RSF1: variants seen among roughly 807,000 people sequenced by gnomAD.
The protein encoded by RSF1 is remodeling and spacing factor 1.
Under a neutral mutation model 145.2 loss-of-function variants are expected in RSF1, and 13 were observed. The observed-to-expected ratio is 0.09, with a 90% CI of 0.06 to 0.14. RSF1 has a LOEUF of 0.14. Ranked by LOEUF, RSF1 falls within the 10% of genes least tolerant of loss-of-function variation. The pLI is 1.00. For missense variants in RSF1, 1,517 were observed against 1,718.2 expected (o/e 0.88, Z 2.07); for synonymous variants, 577 against 592.6 (o/e 0.97, Z 0.38).
At chr11:77,709,452 T>C (rs1960627700) in intron 5 of RSF1, among the ~76,000 whole-genome samples, 1 of 152,170 alleles carries the variant, frequency 6.6e-6, no homozygotes, top group Non-Finnish European at 1.5e-5. Context: ...TTGACTGAAA[T>C]GAGTGAAATA....
At chr11:77,796,831 G>A (rs2135972617) in intron 1 of RSF1, among the ~76,000 whole-genome samples, 1 of 152,284 alleles carries the variant, frequency 6.6e-6, no homozygotes, top group East Asian at 1.9e-4. Flanking sequence ...TAAAATCAAT[G>A]TGCAAAAATC....
chr11:77,796,637 T>C (rs558593049), intron 1 of RSF1, among the ~76,000 whole-genome samples: 4 of 152,286 alleles, frequency 2.6e-5, no homozygotes, highest in African/African-American at 9.6e-5. Flanking sequence ...CTATTCAACA[T>C]AGTATTGGAA....
chr11:77,705,511 A>G (rs2135859359), intron 5 of RSF1, among the ~76,000 whole-genome samples: 1 of 152,356 alleles, frequency 6.6e-6, no homozygotes, highest in South Asian at 2.1e-4. Flanking sequence ...AGTAGAAGAC[A>G]CTGAGTTGCC....
chr11:77,845,542 T>C, the RSF1 span, among the ~76,000 whole-genome samples: 1 of 152,132 alleles, frequency 6.6e-6, no homozygotes, highest in African/African-American at 2.4e-5. Flanking sequence ...GCAATTCTCC[T>C]GCCTCAGCCT....
At chr11:77,681,089 T>C (rs1590826396) in intron 11 of RSF1, among the ~76,000 whole-genome samples, 2 of 152,218 alleles carry the variant, frequency 1.3e-5, no homozygotes, top group African/African-American at 2.4e-5. Context: ...TCATTTTTAA[T>C]GCAACTAAAC....
intron 2 of RSF1, among the ~76,000 whole-genome samples, chr11:77,754,705 C>A (rs1188425042): frequency 5.9e-5 from 9 of 152,030 alleles, no homozygotes; most frequent in Non-Finnish European, 7.4e-5. Flanking sequence ...GGTCACACCA[C>A]TGCACTCCAG....
chr11:77,734,739 G>A (rs971391570), intron 4 of RSF1: 24 of 1,492,270 alleles, frequency 1.6e-5, no homozygotes, highest in African/African-American at 1.5e-4. Context: ...CATTCAGCCC[G>A]CTCTCCCAGT....
chr11:77,809,824 ATTTGGAATAACTCATTCT>A (rs1948713277), intron 1 of RSF1, among the ~76,000 whole-genome samples: 1 of 152,234 alleles, frequency 6.6e-6, no homozygotes, highest in Admixed American at 6.5e-5. Context: ...AGAATGGATT[ATTTGGAATAACTCATTCT>A]ACCTAATTTT....
At chr11:77,859,742 T>C in the RSF1 span, among the ~76,000 whole-genome samples, 5 of 152,214 alleles carry the variant, frequency 3.3e-5, no homozygotes, top group African/African-American at 4.8e-5. Flanking sequence ...TCAAGTGGCA[T>C]AGGTTTGAGC....
chr11:77,775,598 C>T (rs913597959), intron 1 of RSF1, among the ~76,000 whole-genome samples: 3 of 152,154 alleles, frequency 2.0e-5, no homozygotes, highest in Admixed American at 6.5e-5. Flanking sequence ...CTCTATAAAA[C>T]GCCAGGCTTC....
chr11:77,769,017 G>A (rs79527381), intron 1 of RSF1, among the ~76,000 whole-genome samples: 2,476 of 152,136 alleles, frequency 0.016, 23 homozygotes, highest in Middle Eastern at 0.031. Context: ...TAATAAACAC[G>A]TAGTAAGTTG....
rs1380065504 is a variant in RSF1, at chr11:77,820,697, TGCCGCC to T, written c.12_17del (p.Ala8_Ala9del). The T allele has an allele frequency of 6.5e-7, 1 of 1,550,038 alleles. No individual in the cohort carries two copies. The highest frequency in any genetic ancestry group is 8.7e-7 in the Non-Finnish European group (1 of 1,148,148). ...CCGGAGGAGCCATCACCGCCGCCGC[TGCCGCC>T]GCCGTCGCCATTTTGAACTGGAGGA... On this transcript the variant is annotated inframe_deletion, in exon 1 of 16. Coordinates refer to ENST00000308488, the MANE Select transcript of RSF1 (RefSeq NM_016578.4).
At chr11:77,704,629 G>A (rs900569379) in intron 5 of RSF1, among the ~76,000 whole-genome samples, 2 of 152,080 alleles carry the variant, frequency 1.3e-5, no homozygotes, top group South Asian at 4.1e-4. Flanking sequence ...CAAACTCACT[G>A]ATCTTTCTTC....
intron 5 of RSF1, among the ~76,000 whole-genome samples, chr11:77,715,815 C>T (rs754561967): frequency 1.3e-5 from 2 of 152,140 alleles, no homozygotes; most frequent in African/African-American, 2.4e-5. Context: ...TTCACTCTGT[C>T]GCACAGGCTG....
intron 5 of RSF1, among the ~76,000 whole-genome samples, chr11:77,711,362 G>C (rs1358024101): frequency 6.6e-6 from 1 of 152,014 alleles, no homozygotes; most frequent in Non-Finnish European, 1.5e-5. Context: ...TGTCATTAAA[G>C]AAAAGTTTAA....
At chr11:77,772,898 C>G (rs979455753) in intron 1 of RSF1, among the ~76,000 whole-genome samples, 2 of 148,822 alleles carry the variant, frequency 1.3e-5, no homozygotes, top group African/African-American at 2.5e-5. Context: ...AGACATCTAG[C>G]CTTCCATTCC....
At chr11:77,674,404 A>G (rs1035251750) in intron 14 of RSF1, among the ~76,000 whole-genome samples, 1 of 152,208 alleles carries the variant, frequency 6.6e-6, no homozygotes, top group Admixed American at 6.5e-5. Context: ...AAAACTACTC[A>G]ACACTGACTG....
chr11:77,698,685 G>C lies in RSF1; in HGVS notation c.2517C>G (p.Pro839=). 6.2e-7 allele frequency: 1 copy of C among 1,613,746 alleles called. No homozygotes were observed. The highest frequency in any genetic ancestry group is 1.1e-5 in the South Asian group (1 of 91,064). The change falls in exon 7 of 16, where the codon CCC becomes CCG. Residue 839 remains proline (P), a synonymous_variant. Transcript: ENST00000308488. The part of the protein sequence containing the change: ...DTNSKVSKVK[P]KGKVRWTGSR... Reference sequence around the variant, plus strand: ...AACCAGTCCATCGAACTTTGCCTTTGGGTTTTACCTTGTATAAAATAAAAA... The same window carrying C: ...AACCAGTCCATCGAACTTTGCCTTTCGGTTTTACCTTGTATAAAATAAAAA...
chr11:77,742,292 CTTTTT>C (rs998842313), intron 3 of RSF1, among the ~76,000 whole-genome samples: 3 of 151,474 alleles, frequency 2.0e-5, no homozygotes, highest in African/African-American at 7.3e-5. Context: ...TTTCTTTTTT[CTTTTT>C]TAAGACAGAG....
Sources: allele counts gnomAD v4.1 joint callset (sites outside exome capture counted in the v4.1 genomes callset), GRCh38; gene constraint gnomAD v4.1.1; transcripts MANE v1.5; gene names NCBI Gene and HGNC (gene_info 2026-07-23, HGNC 2026-07-21).